The following RBL1 variants were observed in gnomAD, a reference collection of about 807,000 sequenced individuals.
RBL1 encodes the protein retinoblastoma-like protein 1.
A neutral mutation model predicts 123.0 loss-of-function variants in RBL1; 82 were observed. The ratio of observed to expected loss-of-function variants is 0.67; its 90% CI spans 0.56 to 0.80. RBL1 has a LOEUF of 0.80. Among genes scored for constraint, RBL1 ranks in the 30% least tolerant of loss-of-function variants. The pLI is 0.00. For synonymous variants in RBL1, 405 were observed against 441.3 expected (o/e 0.92, Z 1.03); for missense variants, 1,171 against 1,299.6 (o/e 0.90, Z 1.52).
At chr20:37,066,681 G>A in intron 6 of RBL1, 43 bp downstream of exon 6, 2 of 1,547,382 alleles carry the variant, frequency 1.3e-6, no homozygotes, top group East Asian at 2.3e-5. Flanking sequence ...CACATTACTG[G>A]TGATCTGTAA....
chr20:37,080,583 C>T (rs2065433484), intron 2 of RBL1, among the ~76,000 whole-genome samples: 1 of 151,746 alleles, frequency 6.6e-6, no homozygotes, highest in African/African-American at 2.4e-5. Flanking sequence ...CTAAGCCTCC[C>T]AAGTAGCTGG....
rs1568885538 is a variant in RBL1, at chr20:37,076,796, G to A, written c.291-8610C>T. 3.9e-5 allele frequency among the ~76,000 whole-genome samples: 6 copies of A among 152,194 alleles called. No individual in the cohort carries two copies. The South Asian group carries it at 1.2e-3, about 32-fold the overall frequency. On this transcript the variant is annotated intron_variant, in intron 2 of 21. Transcript: ENST00000373664. ...CCCTTCTATCACTTTAACAGCTGGA[G>A]TTTATTCCATTGTATACCATTCCTT... is the stretch of plus-strand genomic sequence containing the variant.
chr20:37,030,613 G>C (rs2064492625), intron 16 of RBL1, among the ~76,000 whole-genome samples: 1 of 151,954 alleles, frequency 6.6e-6, no homozygotes, highest in Non-Finnish European at 1.5e-5. Context: ...CCAGCACTTT[G>C]GGAGGCCAAG....
At chr20:37,057,187 G>A (rs1367967306) in intron 9 of RBL1, among the ~76,000 whole-genome samples, 1 of 152,146 alleles carries the variant, frequency 6.6e-6, no homozygotes, top group African/African-American at 2.4e-5. Flanking sequence ...CCTTTGAGAT[G>A]CTGTTTTTAA....
intron 2 of RBL1, among the ~76,000 whole-genome samples, chr20:37,083,810 A>C (rs1176612604): frequency 2.0e-5 from 3 of 151,954 alleles, no homozygotes; most frequent in Non-Finnish European, 4.4e-5. Context: ...GCTCAAAAAA[A>C]AATAAACATT....
At chr20:36,999,921 G>A (rs1460871081) in intron 21 of RBL1, among the ~76,000 whole-genome samples, 17 of 151,872 alleles carry the variant, frequency 1.1e-4, no homozygotes, top group Middle Eastern at 3.4e-3. Context: ...CACCCCGTCT[G>A]GGAAGTGAGG....
intron 13 of RBL1, among the ~76,000 whole-genome samples, chr20:37,043,374 TC>T (rs1175607366): frequency 6.6e-6 from 1 of 151,026 alleles, no homozygotes; most frequent in African/African-American, 2.4e-5. Flanking sequence ...GTGCCTATAA[TC>T]CCAGCTACAC....
At chr20:37,084,476 T>A (rs1443930998) in intron 2 of RBL1, among the ~76,000 whole-genome samples, 1 of 151,986 alleles carries the variant, frequency 6.6e-6, no homozygotes, top group Non-Finnish European at 1.5e-5. Context: ...ACATATAGTA[T>A]AATTTATGTT....
In RBL1 at chr20:37,060,173, AAAATAAAT is replaced by A. The variant is rs11473427; in HGVS notation, c.1250+922_1250+929del. ...GGCAACAAGAGTGAAACTCTGTCTC[AAAATAAAT>A]AAATAAATAAATAAATAAATAAATA... On this transcript the variant is annotated intron_variant, in intron 9 of 21. Transcript: ENST00000373664. Among the ~76,000 whole-genome samples the A allele has an allele frequency of 3.6e-3, 534 of 146,398 alleles. 4 individuals are homozygous for A. Among genetic ancestry groups the A allele is most frequent in the East Asian group, 0.026 (125 of 4,878 alleles).
At chr20:37,052,940 C>G (rs1400279824) in intron 11 of RBL1, among the ~76,000 whole-genome samples, 3 of 152,154 alleles carry the variant, frequency 2.0e-5, no homozygotes, top group Admixed American at 6.6e-5. Flanking sequence ...CTGCGCCTGG[C>G]CAGGGAGGAA....
intron 10 of RBL1, 47 bp downstream of exon 10, chr20:37,056,099 G>T (rs745699680): frequency 3.8e-6 from 6 of 1,559,386 alleles, no homozygotes; most frequent in African/African-American, 2.8e-5. Context: ...ATTTTGGGGG[G>T]ATTACTTATT....
intron 20 of RBL1, among the ~76,000 whole-genome samples, chr20:37,005,179 C>T (rs536498344): frequency 7.6e-4 from 115 of 151,938 alleles, no homozygotes; most frequent in African/African-American, 2.1e-3. Context: ...GAGGCTGAGG[C>T]GGGTGGATCA....
chr20:37,006,820 GAC>G (rs1274537435), intron 20 of RBL1, among the ~76,000 whole-genome samples: 1 of 136,314 alleles, frequency 7.3e-6, no homozygotes, highest in African/African-American at 2.7e-5. Flanking sequence ...CAGCCTGGGT[GAC>G]AGGGTGAGAC....
intron 21 of RBL1, among the ~76,000 whole-genome samples, chr20:37,000,945 G>C: frequency 7.0e-6 from 1 of 142,874 alleles, no homozygotes; most frequent in South Asian, 2.2e-4. Context: ...GGGAGGTGAG[G>C]GGCGCCTCTG....
At chr20:37,071,593 C>G (rs2065282088) in intron 2 of RBL1, among the ~76,000 whole-genome samples, 1 of 152,152 alleles carries the variant, frequency 6.6e-6, no homozygotes, top group Non-Finnish European at 1.5e-5. Context: ...GGGGTTGAAG[C>G]TGCAGTGAGT....
chr20:37,019,140 C>A (rs544522464), intron 18 of RBL1, among the ~76,000 whole-genome samples: 33 of 151,976 alleles, frequency 2.2e-4, no homozygotes, highest in Non-Finnish European at 2.9e-4. Flanking sequence ...ACCTCCTGGG[C>A]TCAGGCAATC....
intron 2 of RBL1, among the ~76,000 whole-genome samples, 189 bp downstream of exon 2, chr20:37,088,800 T>C (rs534708728): frequency 7.2e-5 from 11 of 152,000 alleles, no homozygotes; most frequent in South Asian, 6.2e-4. Context: ...GAGGCAGAGA[T>C]TGCAGTAAGC....
At chr20:37,072,895 C>T (rs1025002534) in intron 2 of RBL1, among the ~76,000 whole-genome samples, 7 of 152,118 alleles carry the variant, frequency 4.6e-5, no homozygotes, top group Admixed American at 2.0e-4. Context: ...CTTAAGTCAT[C>T]CTAAAGATTT....
rs747059019 is a variant in RBL1, at chr20:37,056,128, G to A, written c.1363+18C>T. 120 of 1,597,750 alleles carry A rather than the reference G, an allele frequency of 7.5e-5. No individual in the cohort carries two copies. The highest frequency in any genetic ancestry group is 9.0e-5 in the Non-Finnish European group (106 of 1,176,104). On this transcript the variant is annotated intron_variant, in intron 10 of 21. Transcript: ENST00000373664. ...ACTTATTTTCAATGCTATGCCAACTGTAGTTTTCTTTTCTTACCTATGTGA... is the reference window on the plus strand; with the variant it reads ...ACTTATTTTCAATGCTATGCCAACTATAGTTTTCTTTTCTTACCTATGTGA...
Sources: gnomAD v4.1 joint callset for allele counts (sites outside exome capture counted in the v4.1 genomes callset) on GRCh38, gnomAD v4.1.1 for gene constraint, MANE v1.5 for transcripts, NCBI Gene and HGNC (gene_info 2026-07-23, HGNC 2026-07-21) for gene names.